Variants in PTPRD observed in about 807,000 individuals in gnomAD.
PTPRD encodes receptor-type tyrosine-protein phosphatase delta.
A neutral mutation model predicts 214.5 loss-of-function variants in PTPRD; 34 were observed. That is an observed-to-expected ratio of 0.16 (90% CI 0.12 to 0.21). The LOEUF (loss-of-function observed/expected upper bound fraction) is 0.21. Among genes scored for constraint, PTPRD ranks in the 10% least tolerant of loss-of-function variants. PTPRD has a pLI of 1.00. For missense variants in PTPRD, 2,545 were observed against 2,398.7 expected (o/e 1.06, Z -1.27); for synonymous variants, 1,128 against 845.7 (o/e 1.33, Z -5.79).
chr9:10,231,981 A>AGTGTGTGT (rs1259734289), intron 3 of PTPRD, among the ~76,000 whole-genome samples: 75 of 102,458 alleles, frequency 7.3e-4, no homozygotes, highest in Non-Finnish European at 1.2e-3. Flanking sequence ...AGAGAGAGAG[A>AGTGTGTGT]GAGAGAGAGT....
chr9:10,414,986 T>A (rs1236495459), intron 2 of PTPRD, among the ~76,000 whole-genome samples: 1 of 151,738 alleles, frequency 6.6e-6, no homozygotes, highest in Admixed American at 6.6e-5. Context: ...GTTACTAGGT[T>A]TAATATCTAG....
intron 3 of PTPRD, among the ~76,000 whole-genome samples, chr9:10,326,169 T>A (rs571065493): frequency 1.5e-3 from 230 of 151,806 alleles, no homozygotes; most frequent in African/African-American, 5.2e-3. Context: ...TTCAAAAAAA[T>A]TTTAGTTTTA....
intron 2 of PTPRD, among the ~76,000 whole-genome samples, chr9:10,371,357 T>G (rs564941000): frequency 6.6e-6 from 1 of 152,194 alleles, no homozygotes; most frequent in Admixed American, 6.6e-5. Flanking sequence ...AACTGCATAT[T>G]AGTATTATGT....
At chr9:9,187,015 A>T (rs1001392247) in intron 9 of PTPRD, among the ~76,000 whole-genome samples, 3 of 150,890 alleles carry the variant, frequency 2.0e-5, no homozygotes, top group Non-Finnish European at 4.4e-5. Context: ...TAATTAAAAC[A>T]TTTCACACCT....
intron 10 of PTPRD, among the ~76,000 whole-genome samples, chr9:9,082,420 C>A (rs932658453): frequency 1.3e-5 from 2 of 152,116 alleles, no homozygotes; most frequent in Non-Finnish European, 2.9e-5. Flanking sequence ...ATGCTAAAAA[C>A]TCTCAATAAA....
chr9:9,112,373 C>G (rs539934918), intron 10 of PTPRD, among the ~76,000 whole-genome samples: 1 of 152,154 alleles, frequency 6.6e-6, no homozygotes, highest in African/African-American at 2.4e-5. Flanking sequence ...CCTCTCCAGC[C>G]TCTAACATTC....
chr9:9,123,600 C>T (rs922447804), intron 10 of PTPRD, among the ~76,000 whole-genome samples: 2 of 151,882 alleles, frequency 1.3e-5, no homozygotes, highest in African/African-American at 4.8e-5. Context: ...AGTAACCAGC[C>T]CATAGACTGA....
At position 9,118,166 on chromosome 9, in the gene PTPRD, G is replaced by A. The variant is rs117321167; in HGVS notation, c.-143+65138C>T. On this transcript the variant is annotated intron_variant, in intron 10 of 45. Transcript: ENST00000381196. ...TGCTACAACTTTTGACTGTGGCTCTGCAGGATTTGAAAGATGCATAACACT... is the reference window on the plus strand; with the variant it reads ...TGCTACAACTTTTGACTGTGGCTCTACAGGATTTGAAAGATGCATAACACT... Among the ~76,000 whole-genome samples the A allele has an allele frequency of 3.9e-3, 599 of 152,238 alleles. 2 individuals carry two copies. Among genetic ancestry groups the A allele is most frequent in the East Asian group, 0.018 (92 of 5,176 alleles).
At chr9:8,972,743 G>A (rs980835679) in intron 11 of PTPRD, among the ~76,000 whole-genome samples, 15 of 151,836 alleles carry the variant, frequency 9.9e-5, no homozygotes, top group South Asian at 2.1e-4. Flanking sequence ...TTATAACCAA[G>A]TACAGACTTT....
At chr9:9,155,203 G>A (rs1262970122) in intron 10 of PTPRD, among the ~76,000 whole-genome samples, 3 of 151,926 alleles carry the variant, frequency 2.0e-5, no homozygotes, top group East Asian at 1.9e-4. Context: ...GTAATGTATC[G>A]GCCTTTTCAT....
chr9:9,845,245 A>C (rs1302123873), intron 5 of PTPRD, among the ~76,000 whole-genome samples: 1 of 143,744 alleles, frequency 7.0e-6, no homozygotes, highest in Non-Finnish European at 1.5e-5. Context: ...TAGTGATCTT[A>C]ACAATTCTAT....
At chr9:10,182,413 T>G (rs2099302871) in intron 3 of PTPRD, among the ~76,000 whole-genome samples, 1 of 152,002 alleles carries the variant, frequency 6.6e-6, no homozygotes, top group Non-Finnish European at 1.5e-5. Context: ...TTATAGGGAA[T>G]TAATGACTCT....
intron 12 of PTPRD, among the ~76,000 whole-genome samples, chr9:8,681,762 C>T (rs929613405): frequency 6.6e-6 from 1 of 152,180 alleles, no homozygotes; most frequent in African/African-American, 2.4e-5. Context: ...AATATAAATT[C>T]ATTTCTCCAC....
intron 2 of PTPRD, among the ~76,000 whole-genome samples, chr9:10,579,595 T>C (rs76812958): frequency 3.3e-5 from 5 of 152,158 alleles, no homozygotes; most frequent in Admixed American, 3.3e-4. Flanking sequence ...ATGAGTGTTT[T>C]TGGTAGAACG....
rs78699129 is a variant in PTPRD, at chr9:10,036,577, T to A, written c.-544-2787A>T. 3.1e-3 allele frequency among the ~76,000 whole-genome samples: 476 copies of A among 151,594 alleles called. 2 individuals are homozygous for A. Among genetic ancestry groups the A allele is most frequent in the African/African-American group, 9.7e-3 (403 of 41,340 alleles). On this transcript the variant is annotated intron_variant, in intron 3 of 45. Transcript: ENST00000381196. ...CAAACAGCACAAATACATTTTTTTTTATTTTATTTCATTTTATTATATTTT... is the reference window on the plus strand; with the variant it reads ...CAAACAGCACAAATACATTTTTTTTAATTTTATTTCATTTTATTATATTTT...
At chr9:10,600,989 G>C (rs1043440608) in intron 2 of PTPRD, among the ~76,000 whole-genome samples, 5 of 151,556 alleles carry the variant, frequency 3.3e-5, no homozygotes, top group African/African-American at 9.7e-5. Context: ...TAAACTTCAA[G>C]GTGTTTTTAG....
intron 9 of PTPRD, among the ~76,000 whole-genome samples, chr9:9,277,912 A>T (rs905362472): frequency 2.6e-5 from 4 of 151,542 alleles, no homozygotes; most frequent in Middle Eastern, 6.8e-3. Flanking sequence ...ATTCCTTCCA[A>T]ACCTGAGCCC....
chr9:9,783,516 G>C (rs1193366502), intron 5 of PTPRD, among the ~76,000 whole-genome samples: 1 of 152,074 alleles, frequency 6.6e-6, no homozygotes. Context: ...GGAATACTGA[G>C]GAATAGCCAC....
At chr9:10,132,295 G>A (rs968871919) in intron 3 of PTPRD, among the ~76,000 whole-genome samples, 13 of 151,964 alleles carry the variant, frequency 8.6e-5, no homozygotes, top group African/African-American at 2.7e-4. Context: ...ATTTATCATT[G>A]TTTAATATAT....
Sources: gnomAD v4.1 joint callset for allele counts (sites outside exome capture counted in the v4.1 genomes callset) on GRCh38, gnomAD v4.1.1 for gene constraint, MANE v1.5 for transcripts, NCBI Gene and HGNC (gene_info 2026-07-23, HGNC 2026-07-21) for gene names.